Variants in PBX3 observed in about 807,000 individuals in gnomAD.
PBX3 encodes the protein PBX homeobox 3, also known as pre-B-cell leukemia transcription factor 3.
Under a neutral mutation model 48.5 loss-of-function variants are expected in PBX3, and 14 were observed. The ratio of observed to expected loss-of-function variants is 0.29; its 90% CI spans 0.19 to 0.45. PBX3 has a LOEUF of 0.45. PBX3 is among the 20% of genes least tolerant of loss of function. The probability of loss-of-function intolerance (pLI) is 1.00; values close to 1 mark genes in which losing one functional copy is unlikely to be tolerated. For synonymous variants in PBX3, 210 were observed against 200.3 expected (o/e 1.05, Z -0.41); for missense variants, 386 against 546.7 (o/e 0.71, Z 2.93).
At chr9:125,875,724 A>G (rs1840232436) in intron 2 of PBX3, among the ~76,000 whole-genome samples, 1 of 152,282 alleles carries the variant, frequency 6.6e-6, no homozygotes, top group Non-Finnish European at 1.5e-5. Flanking sequence ...CAAACATTTA[A>G]TTATTCCCCC....
chr9:125,788,595 G>A (rs766229416), intron 2 of PBX3, among the ~76,000 whole-genome samples: 17 of 151,824 alleles, frequency 1.1e-4, no homozygotes, highest in Non-Finnish European at 1.6e-4. Flanking sequence ...GCTGTGGGCC[G>A]GGCATGGTGG....
rs1842525514 is a variant in PBX3, at chr9:125,966,080, T to A, written c.*157T>A. On this transcript the variant is annotated 3_prime_UTR_variant, in exon 9 of 9. Transcript: ENST00000373489. ...GGTAAATCTGTTTTTTAAGGAATCA[T>A]AATCATTTGTATTTATACTTAAAAA... is the stretch of plus-strand genomic sequence containing the variant. 4 of 517,166 alleles carry A rather than the reference T, an allele frequency of 7.7e-6. No individual in the cohort carries two copies. Among genetic ancestry groups the A allele is most frequent in the Admixed American group, 3.5e-5 (1 of 28,862 alleles). 32.0% of individuals were successfully genotyped at this position (517,166 alleles called of 1,614,324 possible).
intron 2 of PBX3, among the ~76,000 whole-genome samples, chr9:125,890,171 A>T (rs1389457988): frequency 6.6e-6 from 1 of 151,954 alleles, no homozygotes; most frequent in Non-Finnish European, 1.5e-5. Context: ...GCTGCTGCCG[A>T]CTCCGGTTTC....
At chr9:125,914,126 A>C (rs1450009669) in intron 2 of PBX3, among the ~76,000 whole-genome samples, 1 of 152,214 alleles carries the variant, frequency 6.6e-6, no homozygotes, top group Non-Finnish European at 1.5e-5. Flanking sequence ...GTTATAGAAG[A>C]AACAGCAAAT....
At chr9:125,792,803 A>G (rs976283509) in intron 2 of PBX3, among the ~76,000 whole-genome samples, 1 of 151,436 alleles carries the variant, frequency 6.6e-6, no homozygotes, top group Non-Finnish European at 1.5e-5. Context: ...GGTTCAAGCA[A>G]TTCTCCTGCC....
chr9:125,918,598 A>T (rs1841386305), intron 3 of PBX3, among the ~76,000 whole-genome samples: 1 of 152,214 alleles, frequency 6.6e-6, no homozygotes, highest in Non-Finnish European at 1.5e-5. Flanking sequence ...AGATGGAAAA[A>T]TATAGATATA....
intron 2 of PBX3, among the ~76,000 whole-genome samples, chr9:125,755,668 C>CTT (rs1836494090): frequency 9.0e-6 from 1 of 110,958 alleles, no homozygotes; most frequent in African/African-American, 3.4e-5. Context: ...TCAGGAGGAG[C>CTT]TTTGTTTTTT....
intron 2 of PBX3, among the ~76,000 whole-genome samples, chr9:125,792,614 A>G (rs1315851381): frequency 6.6e-6 from 1 of 152,106 alleles, no homozygotes; most frequent in African/African-American, 2.4e-5. Flanking sequence ...TGAGAATTTC[A>G]GGGCATTGTT....
intron 5 of PBX3, among the ~76,000 whole-genome samples, chr9:125,939,496 G>C (rs921805512): frequency 6.6e-6 from 1 of 152,084 alleles, no homozygotes; most frequent in African/African-American, 2.4e-5. Context: ...TTGGTGGTAG[G>C]GATGTAAATT....
intron 2 of PBX3, among the ~76,000 whole-genome samples, chr9:125,886,044 G>C (rs1840492552): frequency 6.6e-6 from 1 of 151,958 alleles, no homozygotes; most frequent in Non-Finnish European, 1.5e-5. Context: ...AGGTATCCCT[G>C]GGGCCCTGAG....
intron 2 of PBX3, among the ~76,000 whole-genome samples, chr9:125,792,998 G>A (rs560447468): frequency 1.8e-4 from 28 of 151,696 alleles, no homozygotes; most frequent in South Asian, 4.2e-4. Context: ...GCGCCCGGCC[G>A]AGGTATACTT....
At chr9:125,907,926 A>G (rs1441978737) in intron 2 of PBX3, among the ~76,000 whole-genome samples, 1 of 152,028 alleles carries the variant, frequency 6.6e-6, no homozygotes, top group Non-Finnish European at 1.5e-5. Context: ...AATGACATCC[A>G]CCCTGTAAGG....
intron 2 of PBX3, among the ~76,000 whole-genome samples, chr9:125,883,949 G>A (rs1588257439): frequency 6.6e-6 from 1 of 152,196 alleles, no homozygotes. Flanking sequence ...AGATTCGCCT[G>A]CCTGAAGCAT....
intron 2 of PBX3, among the ~76,000 whole-genome samples, chr9:125,810,874 A>G (rs1838269513): frequency 6.6e-6 from 1 of 152,098 alleles, no homozygotes; most frequent in African/African-American, 2.4e-5. Flanking sequence ...TAGAAATCTT[A>G]ACTATAGCAT....
intron 2 of PBX3, among the ~76,000 whole-genome samples, chr9:125,856,210 G>T (rs1227159063): frequency 1.3e-5 from 2 of 152,012 alleles, no homozygotes; most frequent in South Asian, 2.1e-4. Flanking sequence ...ATTAATAAAA[G>T]ATATATTATC....
intron 2 of PBX3, among the ~76,000 whole-genome samples, chr9:125,865,892 G>C (rs150428622): frequency 6.6e-6 from 1 of 152,088 alleles, no homozygotes; most frequent in Non-Finnish European, 1.5e-5. Flanking sequence ...AGTTAGGCTG[G>C]GTAATGTGTC....
chr9:125,789,124 A>G (rs1194350980), intron 2 of PBX3, among the ~76,000 whole-genome samples: 1 of 152,168 alleles, frequency 6.6e-6, no homozygotes, highest in Non-Finnish European at 1.5e-5. Context: ...TTCCTGCTGT[A>G]TCGTATTCTA....
At chr9:125,791,613 C>T (rs1215389678) in intron 2 of PBX3, among the ~76,000 whole-genome samples, 1 of 152,142 alleles carries the variant, frequency 6.6e-6, no homozygotes, top group Non-Finnish European at 1.5e-5. Flanking sequence ...GTAAGATGTG[C>T]CTGCTTCCCC....
intron 2 of PBX3, among the ~76,000 whole-genome samples, chr9:125,879,081 T>TA (rs1288603176): frequency 6.7e-6 from 1 of 148,542 alleles, no homozygotes; most frequent in African/African-American, 2.5e-5. Flanking sequence ...GCTATTCTTT[T>TA]TTTTTTTTTT....
Sources: allele counts gnomAD v4.1 joint callset (sites outside exome capture counted in the v4.1 genomes callset), GRCh38; gene constraint gnomAD v4.1.1; transcripts MANE v1.5; gene names NCBI Gene and HGNC (gene_info 2026-07-23, HGNC 2026-07-21).